CSMD1: variants seen among roughly 807,000 people sequenced by gnomAD.
CSMD1 encodes the protein CUB and sushi domain-containing protein 1.
In CSMD1, 213 loss-of-function variants were observed where a neutral mutation model predicts 417.5. That is an observed-to-expected ratio of 0.51 (90% CI 0.46 to 0.57). CSMD1 has a LOEUF of 0.57. Ranked by LOEUF, CSMD1 falls within the 20% of genes least tolerant of loss-of-function variation. CSMD1 has a pLI of 0.00. For missense variants in CSMD1, 6,923 were observed against 4,529.7 expected (o/e 1.53, Z -15.17); for synonymous variants, 2,862 against 1,736.8 (o/e 1.65, Z -16.11).
At chr8:2,981,594 G>C (rs764731949) in intron 54 of CSMD1, among the ~76,000 whole-genome samples, 3 of 152,062 alleles carry the variant, frequency 2.0e-5, no homozygotes, top group Non-Finnish European at 4.4e-5. Flanking sequence ...TTGTCAGCTG[G>C]GAGGAATGAG....
chr8:3,448,401 A>AGGGAGGG (rs59021911), intron 12 of CSMD1, among the ~76,000 whole-genome samples: 1 of 22,864 alleles, frequency 4.4e-5, no homozygotes, highest in Non-Finnish European at 8.8e-5. Context: ...GAGGAAGGGA[A>AGGGAGGG]GGAAGGAAGG....
At chr8:3,482,894 A>G (rs535744091) in intron 11 of CSMD1, among the ~76,000 whole-genome samples, 9 of 152,340 alleles carry the variant, frequency 5.9e-5, no homozygotes, top group African/African-American at 2.2e-4. Context: ...ATTCAAAGGG[A>G]AAGTCTCAAG....
chr8:3,515,450 C>T (rs1209979972), intron 10 of CSMD1: 1 of 152,042 alleles, frequency 6.6e-6, no homozygotes, highest in Non-Finnish European at 1.5e-5. Flanking sequence ...TAGAGATTTG[C>T]AAGAGAGGAA....
rs117850716 is a variant in CSMD1 at position 4,568,550 on chromosome 8, T to G, written c.302+68792A>C. Among the ~76,000 whole-genome samples the G allele has an allele frequency of 6.2e-3, 948 of 152,320 alleles. 21 individuals carry two copies. In the East Asian group the frequency reaches 0.096, roughly 15 times the overall value. On this transcript the variant is annotated intron_variant, in intron 2 of 69. Coordinates refer to ENST00000635120, the MANE Select transcript of CSMD1 (RefSeq NM_033225.6). ...GGGCATTTGGGTTGATTCCAAGGTT[T>G]TTCTATACTAAATGGTGCTGCAATA... is the stretch of plus-strand genomic sequence containing the variant.
intron 22 of CSMD1, 29 bp downstream of exon 22, chr8:3,347,963 G>A (rs767821669): frequency 1.3e-6 from 2 of 1,505,210 alleles, no homozygotes; most frequent in Non-Finnish European, 1.8e-6. Context: ...AAAACTTGGA[G>A]TCATCATGTT....
At chr8:3,563,857 C>A (rs956212448) in intron 10 of CSMD1, among the ~76,000 whole-genome samples, 1 of 152,064 alleles carries the variant, frequency 6.6e-6, no homozygotes, top group African/African-American at 2.4e-5. Context: ...CCATCGCACT[C>A]CAGCCTAGGT....
chr8:4,972,169 G>A (rs141492841), intron 1 of CSMD1, among the ~76,000 whole-genome samples: 111 of 152,228 alleles, frequency 7.3e-4, no homozygotes, highest in African/African-American at 2.6e-3. Context: ...CACACACGTA[G>A]AAGTTATAAA....
chr8:4,173,646 A>T (rs73510823), intron 3 of CSMD1, among the ~76,000 whole-genome samples: 5,190 of 152,214 alleles, frequency 0.034, 314 homozygotes, highest in African/African-American at 0.12. Context: ...ACTGAATGCC[A>T]CTTTTCAGAC....
chr8:4,597,123 T>C lies in CSMD1; in HGVS notation c.302+40219A>G, dbSNP rs1025093204. 9.1e-4 allele frequency among the ~76,000 whole-genome samples: 137 copies of C among 150,638 alleles called. 1 individual carries two copies. Among genetic ancestry groups the C allele is most frequent in the Middle Eastern group, 3.4e-3 (1 of 292 alleles). On this transcript the variant is annotated intron_variant, in intron 2 of 69. Transcript: ENST00000635120. The stretch of plus-strand genomic sequence containing the variant: ...ATACAACACACAATTTTTTTTTTTC[T>C]AGCATTTGCAGCTAACAAAAGCAGT...
intron 2 of CSMD1, among the ~76,000 whole-genome samples, chr8:4,546,372 T>C (rs1487747373): frequency 1.3e-5 from 2 of 152,188 alleles, no homozygotes. Flanking sequence ...AAAGATTGCT[T>C]CTGAGTGTGT....
At chr8:4,915,201 C>A (rs1004615805) in intron 1 of CSMD1, among the ~76,000 whole-genome samples, 4 of 151,744 alleles carry the variant, frequency 2.6e-5, no homozygotes, top group South Asian at 2.1e-4. Flanking sequence ...CATACATATA[C>A]CTGTGTATTT....
intron 2 of CSMD1, among the ~76,000 whole-genome samples, chr8:4,431,043 A>T (rs1797843162): frequency 6.6e-6 from 1 of 152,176 alleles, no homozygotes; most frequent in Non-Finnish European, 1.5e-5. Context: ...TCTTCAGAAT[A>T]ACTCGTGGAG....
chr8:3,759,611 G>A (rs944438315), intron 5 of CSMD1, among the ~76,000 whole-genome samples: 1 of 151,886 alleles, frequency 6.6e-6, no homozygotes, highest in African/African-American at 2.4e-5. Context: ...AGAGAATAGG[G>A]TGCCAGGCAC....
At chr8:3,886,885 G>C (rs1019681456) in intron 5 of CSMD1, among the ~76,000 whole-genome samples, 1 of 152,132 alleles carries the variant, frequency 6.6e-6, no homozygotes, top group Non-Finnish European at 1.5e-5. Context: ...GCTCTCGCAT[G>C]GTAATGATTC....
intron 37 of CSMD1, among the ~76,000 whole-genome samples, chr8:3,167,775 G>A (rs978812179): frequency 2.6e-5 from 4 of 152,152 alleles, no homozygotes; most frequent in Admixed American, 6.6e-5. Flanking sequence ...CATAAAACGT[G>A]AGCATTAAGA....
chr8:4,005,450 G>A (rs1053416220), intron 4 of CSMD1, among the ~76,000 whole-genome samples: 2 of 152,264 alleles, frequency 1.3e-5, no homozygotes, highest in East Asian at 3.9e-4. Context: ...CAGGGCCACT[G>A]TCTCAACATG....
chr8:3,602,716 TACACAC>T (rs34593924), intron 8 of CSMD1, among the ~76,000 whole-genome samples: 23,615 of 146,620 alleles, frequency 0.16, 2,065 homozygotes, highest in East Asian at 0.28. Flanking sequence ...CAGGAAGAAT[TACACAC>T]ACACACACAC....
chr8:4,226,315 T>A (rs1801352789), intron 3 of CSMD1, among the ~76,000 whole-genome samples: 2 of 152,220 alleles, frequency 1.3e-5, no homozygotes, highest in Non-Finnish European at 2.9e-5. Context: ...CAAAAAAGAA[T>A]TAGAGACCAT....
chr8:3,240,977 A>G (rs1338739316), intron 26 of CSMD1, among the ~76,000 whole-genome samples: 1 of 151,500 alleles, frequency 6.6e-6, no homozygotes, highest in Non-Finnish European at 1.5e-5. Context: ...TGAGCAGGGT[A>G]AGGGTGATTA....
Sources: gnomAD v4.1 joint callset for allele counts (sites outside exome capture counted in the v4.1 genomes callset) on GRCh38, gnomAD v4.1.1 for gene constraint, MANE v1.5 for transcripts, NCBI Gene and HGNC (gene_info 2026-07-23, HGNC 2026-07-21) for gene names.